The following RUSC2 variants were observed in gnomAD, a reference collection of about 807,000 sequenced individuals.
RUSC2 encodes the protein AP-4 complex accessory subunit RUSC2.
RUSC2 carries 34 observed loss-of-function variants against 122.2 expected under a neutral mutation model. The observed-to-expected ratio is 0.28, with a 90% CI of 0.21 to 0.37. The LOEUF (loss-of-function observed/expected upper bound fraction) is 0.37. RUSC2 is among the 10% of genes least tolerant of loss of function. The pLI is 1.00. For synonymous variants in RUSC2, 784 were observed against 790.0 expected (o/e 0.99, Z 0.13); for missense variants, 1,747 against 1,952.4 (o/e 0.89, Z 1.98).
intron 1 of RUSC2, among the ~76,000 whole-genome samples, chr9:35,494,346 A>T (rs1236291271): frequency 6.6e-6 from 1 of 151,982 alleles, no homozygotes; most frequent in Non-Finnish European, 1.5e-5. Flanking sequence ...CACACCTATA[A>T]TCCCTGAGGC....
chr9:35,506,157 G>A lies in RUSC2; in HGVS notation c.-93+15985G>A, dbSNP rs549122539. Among the ~76,000 whole-genome samples, 41 of 152,226 alleles carry A rather than the reference G, an allele frequency of 2.7e-4. No individual in the cohort carries two copies. The South Asian group carries it at 7.5e-3, about 28-fold the overall frequency. The stretch of plus-strand genomic sequence containing the variant: ...AAGATTGTGGGATACAAAATCAATG[G>A]GGACGGGCTTGCTTTTAGGAGTGAT... On this transcript the variant is annotated intron_variant, in intron 1 of 11. Coordinates refer to ENST00000361226, the MANE Select transcript of RUSC2 (RefSeq NM_014806.5).
chr9:35,518,596 G>T (rs1821152257), intron 1 of RUSC2, among the ~76,000 whole-genome samples: 1 of 152,202 alleles, frequency 6.6e-6, no homozygotes, highest in African/African-American at 2.4e-5. Context: ...TCTAGGTCTT[G>T]CAGGGATGAA....
rs562120525 is a variant in RUSC2, at chr9:35,546,011, C to T, written c.-92-419C>T. On this transcript the variant is annotated intron_variant, in intron 1 of 11. Transcript: ENST00000361226. This position sits in a 1 kb window ranked among gnomAD's most constrained non-coding sequence, Gnocchi z 4.3. ...TCCCTCTTGGCTGTAAACTTGTGTG[C>T]TATAGCTGTGTCTAAGCCTTAAACA... Among the ~76,000 whole-genome samples, 1 of 152,238 alleles carries T rather than the reference C, an allele frequency of 6.6e-6. No homozygotes were observed. Among genetic ancestry groups the T allele is most frequent in the South Asian group, 2.1e-4 (1 of 4,828 alleles).
chr9:35,561,387 C>A lies in RUSC2; in HGVS notation c.*5C>A. ...CCTGGAAGCAGCCAAAACTGAGGCCCTGTGCATGCTGGTGGCCTCAGGGAC... is the reference window on the plus strand; with the variant it reads ...CCTGGAAGCAGCCAAAACTGAGGCCATGTGCATGCTGGTGGCCTCAGGGAC... On this transcript the variant is annotated 3_prime_UTR_variant, in exon 12 of 12. Transcript: ENST00000361226. The A allele has an allele frequency of 6.2e-7, 1 of 1,603,404 alleles. No individual in the cohort carries two copies. Among genetic ancestry groups the A allele is most frequent in the South Asian group, 1.1e-5 (1 of 89,588 alleles).
rs184207154 is a variant in RUSC2, at chr9:35,551,044, G to A, written c.2014+2509G>A. 7.2e-4 allele frequency among the ~76,000 whole-genome samples: 109 copies of A among 152,192 alleles called. 1 individual carries two copies. Among genetic ancestry groups the A allele is most frequent in the Middle Eastern group, 6.8e-3 (2 of 294 alleles). ...AGATTATGCCACTGCACTCCAGTCT[G>A]GGTGACAAAGTGAGAGTCCGTCTCA... On this transcript the variant is annotated intron_variant, in intron 2 of 11. Coordinates refer to ENST00000361226, the MANE Select transcript of RUSC2 (RefSeq NM_014806.5).
chr9:35,515,498 G>A (rs553083158), intron 1 of RUSC2, among the ~76,000 whole-genome samples: 5 of 151,848 alleles, frequency 3.3e-5, no homozygotes, highest in African/African-American at 1.2e-4. Flanking sequence ...TTTGCTTATT[G>A]TTTTTCTCTA....
At chr9:35,559,079 C>T (rs1457935529) in intron 8 of RUSC2, 147 bp from the exon 9 acceptor site, 16 of 708,808 alleles carry the variant, frequency 2.3e-5, no homozygotes, top group South Asian at 1.9e-4. Flanking sequence ...TCCACACATC[C>T]CCACTGACTT....
At chr9:35,534,452 A>ACACG (rs1554725835) in intron 1 of RUSC2, among the ~76,000 whole-genome samples, 2 of 150,676 alleles carry the variant, frequency 1.3e-5, no homozygotes, top group African/African-American at 4.9e-5. Flanking sequence ...ACACACACAC[A>ACACG]CACACAATCC....
At chr9:35,553,365 C>T (rs1349422573) in intron 2 of RUSC2, among the ~76,000 whole-genome samples, 1 of 152,224 alleles carries the variant, frequency 6.6e-6, no homozygotes, top group Non-Finnish European at 1.5e-5. Flanking sequence ...TCACTCCATA[C>T]TGTGTGCCAG....
At chr9:35,513,859 T>C (rs1180645373) in intron 1 of RUSC2, among the ~76,000 whole-genome samples, 1 of 146,126 alleles carries the variant, frequency 6.8e-6, no homozygotes, top group Non-Finnish European at 1.5e-5. Flanking sequence ...AAAAAATTGT[T>C]TTAAATAGTA....
rs1339974553 is a variant in RUSC2 at position 35,561,109 on chromosome 9, G to A, written c.4349+12G>A. The A allele has an allele frequency of 4.3e-6, 7 of 1,613,912 alleles. No individual in the cohort carries two copies. The highest frequency in any genetic ancestry group is 5.9e-6 in the Non-Finnish European group (7 of 1,179,850). On this transcript the variant is annotated intron_variant, in intron 11 of 11. Coordinates refer to ENST00000361226, the MANE Select transcript of RUSC2 (RefSeq NM_014806.5). ...TCCAGTCCTCCGTGGTAAGCCTGGG[G>A]AAACGGAAGGGCTGAGGGGGGCGGG... is the stretch of plus-strand genomic sequence containing the variant.
At chr9:35,504,866 T>C (rs1820882989) in intron 1 of RUSC2, among the ~76,000 whole-genome samples, 1 of 152,082 alleles carries the variant, frequency 6.6e-6, no homozygotes, top group African/African-American at 2.4e-5. Context: ...GAAGCAAAAA[T>C]AGAAGGAATG....
At chr9:35,537,384 A>C (rs1033830418) in intron 1 of RUSC2, among the ~76,000 whole-genome samples, 3 of 152,216 alleles carry the variant, frequency 2.0e-5, no homozygotes, top group African/African-American at 7.2e-5. Flanking sequence ...GCGAGAGGAA[A>C]GCATAGTGAC....
At chr9:35,551,657 T>A (rs1167498696) in intron 2 of RUSC2, among the ~76,000 whole-genome samples, 1 of 152,244 alleles carries the variant, frequency 6.6e-6, no homozygotes, top group Non-Finnish European at 1.5e-5. Flanking sequence ...CAGTCTTCTC[T>A]TGATTCTGTA....
At chr9:35,494,724 T>A (rs1820642105) in intron 1 of RUSC2, among the ~76,000 whole-genome samples, 1 of 151,484 alleles carries the variant, frequency 6.6e-6, no homozygotes, top group South Asian at 2.1e-4. Flanking sequence ...AAATATTTTC[T>A]CCTATTCCAT....
chr9:35,561,579 A>C lies in RUSC2; in HGVS notation c.*197A>C. ...TCCCAGTGACCTTGTCCAGACCTCCACCCAGGAGAGGGATGGGACACAGCA... is the reference window on the plus strand; with the variant it reads ...TCCCAGTGACCTTGTCCAGACCTCCCCCCAGGAGAGGGATGGGACACAGCA... On this transcript the variant is annotated 3_prime_UTR_variant, in exon 12 of 12. Coordinates refer to ENST00000361226, the MANE Select transcript of RUSC2 (RefSeq NM_014806.5). 1 of 597,454 alleles carries C rather than the reference A, an allele frequency of 1.7e-6. No homozygotes were observed. Among genetic ancestry groups the C allele is most frequent in the South Asian group, 2.1e-5 (1 of 48,232 alleles). The allele number at this position is 597,454 out of a possible 1,614,324, so 37.0% of individuals were successfully genotyped here.
chr9:35,505,904 G>A (rs1820907697), intron 1 of RUSC2, among the ~76,000 whole-genome samples: 1 of 152,116 alleles, frequency 6.6e-6, no homozygotes, highest in African/African-American at 2.4e-5. Flanking sequence ...GTGAAAGATT[G>A]AAAACTTTCT....
rs1821299592 is a variant in RUSC2, at chr9:35,525,089, G to T, written c.-92-21341G>T. Among the ~76,000 whole-genome samples, 3 of 152,328 alleles carry T rather than the reference G, an allele frequency of 2.0e-5. No homozygotes were observed. The South Asian group carries it at 6.2e-4, about 32-fold the overall frequency. ...ATCAACTGGCAAACTTGTCTGGTGG[G>T]CAGGTGGAACAGGCTGGCCTTTTTT... On this transcript the variant is annotated intron_variant, in intron 1 of 11. Transcript: ENST00000361226.
intron 1 of RUSC2, among the ~76,000 whole-genome samples, chr9:35,521,247 CA>C (rs984197402): frequency 6.6e-6 from 1 of 152,194 alleles, no homozygotes; most frequent in Non-Finnish European, 1.5e-5. Flanking sequence ...TGCTTCCAAA[CA>C]GGTGCTACAA....
Sources: gnomAD v4.1 joint callset for allele counts (sites outside exome capture counted in the v4.1 genomes callset) on GRCh38, gnomAD v4.1.1 for gene constraint, Gnocchi (gnomAD v3.1) non-coding constraint, MANE v1.5 for transcripts, NCBI Gene and HGNC (gene_info 2026-07-23, HGNC 2026-07-21) for gene names.